The following ZNF451 variants were observed in gnomAD, a reference collection of about 807,000 sequenced individuals.
ZNF451 encodes the protein E3 SUMO-protein ligase ZNF451.
ZNF451 carries 80 observed loss-of-function variants against 107.1 expected under a neutral mutation model. The ratio of observed to expected loss-of-function variants is 0.75; its 90% confidence interval spans 0.62 to 0.90. ZNF451 has a LOEUF of 0.90. Among genes scored for constraint, ZNF451 ranks in the 40% least tolerant of loss-of-function variants. ZNF451 has a pLI of 0.00. For synonymous variants in ZNF451, 362 were observed against 406.5 expected, an observed-to-expected ratio of 0.89 and a Z score of 1.32; for missense variants, 1,107 against 1,236.2, an observed-to-expected ratio of 0.90 and a Z score of 1.57.
intron 3 of ZNF451, among the ~76,000 whole-genome samples, chr6:57,113,503 A>G (rs954721688): frequency 2.0e-5 from 3 of 152,178 alleles, no homozygotes; most frequent in African/African-American, 7.2e-5. Context: ...TAGTTATCAC[A>G]ATAAGTTACT....
At chr6:57,145,001 A>G (rs1426365570) in intron 9 of ZNF451, among the ~76,000 whole-genome samples, 1 of 152,238 alleles carries the variant, frequency 6.6e-6, no homozygotes, top group Non-Finnish European at 1.5e-5. Context: ...TATTTAATTT[A>G]TAAACATTTA....
At chr6:57,104,907 G>A (rs1236294028) in intron 3 of ZNF451, 77 of 985,236 alleles carry the variant, frequency 7.8e-5, no homozygotes, top group Non-Finnish European at 9.0e-5. Flanking sequence ...GGATTTGACC[G>A]TTTAATAGGG....
In ZNF451 at chr6:57,120,366, A is replaced by G. The variant is rs1200952173; in HGVS notation, c.187-4368A>G. On this transcript the variant is annotated intron_variant, in intron 3 of 14. Transcript: ENST00000370706. ...TTCCAAGTTTTGGCACTTATGATAC[A>G]GTTGCTGTAAACAGCTGTGTGCAGG... Among the ~76,000 whole-genome samples, 3 of 152,236 alleles carry G rather than the reference A, an allele frequency of 2.0e-5. No individual in the cohort carries two copies. In the East Asian group the frequency reaches 5.8e-4, roughly 29 times the overall value.
intron 3 of ZNF451, chr6:57,116,632 T>C (rs1275247250): frequency 6.6e-6 from 1 of 152,184 alleles, no homozygotes; most frequent in Non-Finnish European, 1.5e-5. Context: ...AACATCTTTC[T>C]TTAATATACC....
chr6:57,092,252 G>A (rs1829085070), intron 2 of ZNF451, among the ~76,000 whole-genome samples: 2 of 152,162 alleles, frequency 1.3e-5, no homozygotes, highest in South Asian at 2.1e-4. Flanking sequence ...TTTGAAAAAT[G>A]TTTTGTGTAA....
In ZNF451 at chr6:57,141,441, G is replaced by A; in HGVS notation, c.842G>A (p.Ser281Asn). ...TCTGGAAAGAATCATTTCCATCAGAGTTTCAAACTGGGTGGTATGTTAATA... is the reference window on the plus strand; with the variant it reads ...TCTGGAAAGAATCATTTCCATCAGAATTTCAAACTGGGTGGTATGTTAATA... ...HMSGKNHFHQ[S>N]FKLGDNKGIA... Residue 281 changes from serine (S) to asparagine (N), a missense_variant, in exon 8 of 15, where the codon AGT becomes AAT. This residue lies in a region of ZNF451 where 339 missense variants were observed against 372.8 expected (regional missense o/e 0.91). Coordinates refer to ENST00000370706, the MANE Select transcript of ZNF451 (RefSeq NM_001031623.3). 1 of 1,611,050 alleles carries A rather than the reference G, an allele frequency of 6.2e-7. No homozygotes were observed. The highest frequency in any genetic ancestry group is 8.5e-7 in the Non-Finnish European group (1 of 1,178,488).
intron 3 of ZNF451, among the ~76,000 whole-genome samples, chr6:57,119,395 C>T (rs115617940): frequency 0.013 from 1,913 of 152,086 alleles, 46 homozygotes; most frequent in African/African-American, 0.044. Context: ...GGTGGTGGCA[C>T]GCGCCTGCAA....
At chr6:57,145,516 ACC>A (rs1832021581) in intron 9 of ZNF451, among the ~76,000 whole-genome samples, 1 of 152,104 alleles carries the variant, frequency 6.6e-6, no homozygotes, top group Admixed American at 6.5e-5. Context: ...GTCCACGTGT[ACC>A]CATTGTTTAA....
chr6:57,133,104 TG>T lies in ZNF451; in HGVS notation c.490del (p.Val164CysfsTer10). On this transcript the variant is annotated frameshift_variant, in exon 6 of 15. Transcript: ENST00000370706. LOFTEE classifies it high-confidence loss of function. Reference protein sequence around the residue: ...KSSFRRGGHTWVSGKPILCPI... With the variant: ...KSSFRRGGHTXVSGKPILCPI... ...TTCATTCCGAAGAGGAGGCCACACG[TG>T]GGTGTCTGGGAAACCAATTTTATGT... 6.2e-7 allele frequency: 1 copy of T among 1,614,172 alleles called. No individual in the cohort carries two copies.
intron 2 of ZNF451, among the ~76,000 whole-genome samples, chr6:57,097,407 A>G (rs1490537872): frequency 6.6e-6 from 1 of 152,220 alleles, no homozygotes; most frequent in Non-Finnish European, 1.5e-5. Context: ...TCTACATCCT[A>G]CAAAATCCTT....
At chr6:57,107,004 T>C in intron 3 of ZNF451, 1 of 931,586 alleles carries the variant, frequency 1.1e-6, no homozygotes, top group Non-Finnish European at 1.3e-6. Flanking sequence ...TCTTCTCTTA[T>C]TAGTGGAATA....
intron 14 of ZNF451, chr6:57,165,843 A>G (rs1593180504): frequency 6.6e-6 from 1 of 152,294 alleles, no homozygotes; most frequent in East Asian, 1.9e-4. Context: ...TTTTGTATCT[A>G]AACATAGAGA....
At chr6:57,107,758 A>T (rs1165148445) in intron 3 of ZNF451, 4 of 984,764 alleles carry the variant, frequency 4.1e-6, no homozygotes, top group Admixed American at 6.2e-5. Flanking sequence ...GACTTTGGAG[A>T]TCTCTCAAGT....
chr6:57,152,105 G>C, intron 11 of ZNF451, 116 bp from the exon 12 acceptor site: 1 of 881,228 alleles, frequency 1.1e-6, no homozygotes, highest in Non-Finnish European at 1.7e-6. Flanking sequence ...TCCACATTCT[G>C]ATCTAGTACT....
intron 14 of ZNF451, among the ~76,000 whole-genome samples, chr6:57,164,204 G>A (rs1243032071): frequency 1.3e-5 from 2 of 152,172 alleles, no homozygotes; most frequent in Non-Finnish European, 2.9e-5. Flanking sequence ...ATGTGGTGGT[G>A]AAAAGTACAG....
intron 11 of ZNF451, chr6:57,151,896 G>A (rs967205070): frequency 5.4e-6 from 1 of 184,850 alleles, no homozygotes; most frequent in East Asian, 1.4e-4. Context: ...TGCATTGAAC[G>A]GTGGTGACAT....
In ZNF451 at chr6:57,147,434, A is replaced by T; in HGVS notation, c.1349A>T (p.Asn450Ile). The change falls in exon 10 of 15, where the codon AAT (asparagine) becomes ATT (isoleucine). Residue 450 changes from asparagine to isoleucine, a missense_variant. Transcript: ENST00000370706. ...ECIAIPKKKM[N>I]LKDKSHEGVA... ...ATTGCCATTCCAAAAAAGAAGATGAATTTAAAAGATAAAAGCCATGAAGGT... is the reference window on the plus strand; with the variant it reads ...ATTGCCATTCCAAAAAAGAAGATGATTTTAAAAGATAAAAGCCATGAAGGT... 1 of 1,614,078 alleles carries T rather than the reference A, an allele frequency of 6.2e-7. No homozygotes were observed. Among genetic ancestry groups the T allele is most frequent in the Non-Finnish European group, 8.5e-7 (1 of 1,179,984 alleles).
intron 14 of ZNF451, among the ~76,000 whole-genome samples, chr6:57,162,425 A>T (rs773030453): frequency 6.6e-6 from 1 of 152,236 alleles, no homozygotes; most frequent in South Asian, 2.1e-4. Flanking sequence ...CCTTATAGCC[A>T]AATTTCATTG....
chr6:57,161,382 A>C (rs1174019373), intron 14 of ZNF451, among the ~76,000 whole-genome samples: 1 of 152,082 alleles, frequency 6.6e-6, no homozygotes, highest in East Asian at 1.9e-4. Context: ...AATCCAGTCC[A>C]CTATCTTTAG....
Sources: gnomAD v4.1 joint callset for allele counts (sites outside exome capture counted in the v4.1 genomes callset) on GRCh38, gnomAD v4.1.1 for gene constraint, gnomAD v4.1.1 regional missense constraint, MANE v1.5 for transcripts, NCBI Gene and HGNC (gene_info 2026-07-23, HGNC 2026-07-21) for gene names.